GABRA3: variants seen among roughly 807,000 people sequenced by gnomAD.
GABRA3 encodes gamma-aminobutyric acid type A receptor subunit alpha3, also known as gamma-aminobutyric acid receptor subunit alpha-3.
In GABRA3, 10 loss-of-function variants were observed where a neutral mutation model predicts 30.1. The observed-to-expected ratio is 0.33, with a 90% CI of 0.20 to 0.56. The LOEUF (loss-of-function observed/expected upper bound fraction) is 0.56, where lower values mean the gene tolerates loss of function less well. Ranked by LOEUF, GABRA3 falls within the 20% of genes least tolerant of loss-of-function variation. GABRA3 has a pLI of 0.89. For synonymous variants in GABRA3, 151 were observed against 146.8 expected, an observed-to-expected ratio of 1.03 and a Z score of -0.21; for missense variants, 233 against 392.0, an observed-to-expected ratio of 0.59 and a Z score of 3.42.
At chrX:152,438,951 C>T (rs1250958451) in intron 1 of GABRA3, among the ~76,000 whole-genome samples, 3 of 109,709 alleles carry the variant, frequency 2.7e-5, no homozygotes, top group Non-Finnish European at 5.7e-5. Flanking sequence ...AAAGAGTGTG[C>T]ACAAATGCAA....
intron 5 of GABRA3, among the ~76,000 whole-genome samples, chrX:152,240,074 A>G (rs1341938898): frequency 4.3e-5 from 4 of 92,388 alleles, no homozygotes; most frequent in East Asian, 4.2e-4. Flanking sequence ...TAGTTGATGC[A>G]GTTTCTTCCT....
chrX:152,371,597 A>G (rs1174808529), intron 1 of GABRA3, among the ~76,000 whole-genome samples: 1 of 111,197 alleles, frequency 9.0e-6, no homozygotes, highest in East Asian at 2.9e-4. Flanking sequence ...TGAAAAAAAA[A>G]TCATCCCTTG....
rs1304976638 is a variant in GABRA3, at chrX:152,279,515, T to C, written c.330+5153A>G. ...ACCATGCTGTTTTGGTTACTGTAGC[T>C]TTGTAGTATAGCTTGAAGTCAGGTA... On this transcript the variant is annotated intron_variant, in intron 4 of 9. Coordinates refer to ENST00000370314, the MANE Select transcript of GABRA3 (RefSeq NM_000808.4). 1.4e-4 allele frequency among the ~76,000 whole-genome samples: 16 copies of C among 111,583 alleles called. 1 individual carries two copies. The East Asian group carries it at 2.0e-3, about 14-fold the overall frequency.
intron 1 of GABRA3, among the ~76,000 whole-genome samples, chrX:152,413,579 T>C (rs1199468035): frequency 9.0e-6 from 1 of 111,469 alleles, no homozygotes; most frequent in Non-Finnish European, 1.9e-5. Flanking sequence ...AGAAATATCA[T>C]TTCACAAAAT....
At chrX:152,386,867 A>G in intron 1 of GABRA3, among the ~76,000 whole-genome samples, 1 of 108,665 alleles carries the variant, frequency 9.2e-6, no homozygotes, top group Non-Finnish European at 1.9e-5. Context: ...TTGTGGCACT[A>G]TTTACAATAG....
intron 3 of GABRA3, among the ~76,000 whole-genome samples, chrX:152,328,895 C>T (rs761116336): frequency 9.0e-5 from 10 of 111,486 alleles, no homozygotes; most frequent in Non-Finnish European, 1.3e-4. Flanking sequence ...AATTAGGAAA[C>T]GAGGAAGTCA....
intron 3 of GABRA3, among the ~76,000 whole-genome samples, chrX:152,295,752 A>G (rs1939518281): frequency 8.9e-6 from 1 of 112,265 alleles, no homozygotes; most frequent in Admixed American, 9.4e-5. Context: ...CTCAGTTTGA[A>G]ATGCGGAAAT....
intron 9 of GABRA3, among the ~76,000 whole-genome samples, chrX:152,172,470 G>A (rs1391122222): frequency 1.8e-5 from 2 of 111,046 alleles, no homozygotes; most frequent in African/African-American, 3.3e-5. Context: ...TTATAAGCAG[G>A]GTCTCAAAGA....
intron 9 of GABRA3, among the ~76,000 whole-genome samples, chrX:152,188,500 G>C (rs938213874): frequency 3.6e-5 from 4 of 110,362 alleles, no homozygotes; most frequent in Admixed American, 1.9e-4. Context: ...CTTCCTGGGT[G>C]GGGGGCTAAC....
rs762647200 is a variant in GABRA3, at chrX:152,353,318, G to A, written c.141-7616C>T. Reference sequence around the variant, plus strand: ...GTATATGTTGTGAATGATAAAATAAGCTAGTAGACATATGATTCCATGTGA... The same window carrying A: ...GTATATGTTGTGAATGATAAAATAAACTAGTAGACATATGATTCCATGTGA... On this transcript the variant is annotated intron_variant, in intron 2 of 9. Transcript: ENST00000370314. 5.4e-5 allele frequency among the ~76,000 whole-genome samples: 6 copies of A among 111,982 alleles called. No homozygotes were observed. In the South Asian group the frequency reaches 2.2e-3, roughly 41 times the overall value.
chrX:152,312,669 A>C (rs991619718), intron 3 of GABRA3, among the ~76,000 whole-genome samples: 10 of 112,084 alleles, frequency 8.9e-5, no homozygotes, highest in African/African-American at 3.2e-4. Flanking sequence ...TCTGCACAGC[A>C]AAAGAATCAA....
At position 152,347,545 on chromosome X, in the gene GABRA3, A is replaced by AT. The variant is rs1201257213; in HGVS notation, c.141-1844dup. ...TGGATACCACATTCTCCATGATGTG[A>AT]TTATTTCATATTGCATGCCTGTATC... On this transcript the variant is annotated intron_variant, in intron 2 of 9. Coordinates refer to ENST00000370314, the MANE Select transcript of GABRA3 (RefSeq NM_000808.4). Among the ~76,000 whole-genome samples, 3 of 111,597 alleles carry AT rather than the reference A, an allele frequency of 2.7e-5. No homozygotes were observed. In the Admixed American group the frequency reaches 2.9e-4, roughly 11 times the overall value.
intron 1 of GABRA3, among the ~76,000 whole-genome samples, chrX:152,414,782 C>G (rs1603256812): frequency 9.4e-6 from 1 of 106,240 alleles, no homozygotes; most frequent in African/African-American, 3.4e-5. Flanking sequence ...TGGAAGCAAC[C>G]AAGATGACCT....
intron 1 of GABRA3, among the ~76,000 whole-genome samples, chrX:152,443,545 C>T (rs893375475): frequency 4.5e-5 from 5 of 111,313 alleles, no homozygotes; most frequent in Non-Finnish European, 9.4e-5. Context: ...TAGGTTCTAG[C>T]GGATATAAGA....
chrX:152,296,667 A>C (rs1010410557), intron 3 of GABRA3, among the ~76,000 whole-genome samples: 3 of 109,968 alleles, frequency 2.7e-5, no homozygotes, highest in African/African-American at 9.9e-5. Context: ...ATGTGCAGCA[A>C]AACTTTGATA....
At chrX:152,278,102 A>C (rs187748501) in intron 4 of GABRA3, among the ~76,000 whole-genome samples, 214 of 112,110 alleles carry the variant, frequency 1.9e-3, no homozygotes, top group African/African-American at 6.4e-3. Flanking sequence ...AGATGTATTT[A>C]GTCCATGAAA....
At chrX:152,175,724 T>C (rs981433037) in intron 9 of GABRA3, among the ~76,000 whole-genome samples, 7 of 110,854 alleles carry the variant, frequency 6.3e-5, no homozygotes, top group African/African-American at 2.3e-4. Flanking sequence ...AGAGAAAGAA[T>C]GGTAATGACA....
At position 152,199,154 on chromosome X, in the gene GABRA3, C is replaced by G. The variant is rs951076086; in HGVS notation, c.779-1369G>C. ...GGCCAAGGCGGGCAGATTACGAGGTCAGGAGATCGAGACCATCCTGGCTAA... is the reference window on the plus strand; with the variant it reads ...GGCCAAGGCGGGCAGATTACGAGGTGAGGAGATCGAGACCATCCTGGCTAA... On this transcript the variant is annotated intron_variant, in intron 7 of 9. Transcript: ENST00000370314. 5.4e-5 allele frequency among the ~76,000 whole-genome samples: 6 copies of G among 110,607 alleles called. No individual in the cohort carries two copies. In the Middle Eastern group the frequency reaches 0.014, roughly 257 times the overall value.
chrX:152,218,626 T>C (rs796908016), intron 6 of GABRA3, among the ~76,000 whole-genome samples: 1 of 111,255 alleles, frequency 9.0e-6, no homozygotes, highest in South Asian at 3.7e-4. Context: ...TTGCTTCATG[T>C]ATTTTGGGGC....
Sources: gnomAD v4.1 joint callset for allele counts (sites outside exome capture counted in the v4.1 genomes callset) on GRCh38, gnomAD v4.1.1 for gene constraint, MANE v1.5 for transcripts, NCBI Gene and HGNC (gene_info 2026-07-23, HGNC 2026-07-21) for gene names.